The following LARGE1 variants were observed in gnomAD, a reference collection of about 807,000 sequenced individuals.
LARGE1 encodes the protein xylosyl- and glucuronyltransferase LARGE1.
Under a neutral mutation model 87.6 loss-of-function variants are expected in LARGE1, and 43 were observed. The ratio of observed to expected loss-of-function variants is 0.49; its 90% confidence interval spans 0.38 to 0.63. The LOEUF is 0.63. Ranked by LOEUF, LARGE1 falls within the 30% of genes least tolerant of loss-of-function variation. The probability of loss-of-function intolerance (pLI) is 0.00; values close to 1 mark genes in which losing one functional copy is unlikely to be tolerated. For synonymous variants in LARGE1, 434 were observed against 394.6 expected, an observed-to-expected ratio of 1.10 and a Z score of -1.18; for missense variants, 802 against 1,000.2, an observed-to-expected ratio of 0.80 and a Z score of 2.67.
intron 7 of LARGE1, among the ~76,000 whole-genome samples, chr22:33,405,931 C>T: frequency 9.2e-5 from 14 of 152,182 alleles, no homozygotes; most frequent in African/African-American, 3.4e-4. Context: ...CATTAAAAAT[C>T]AGAGTCTGGA....
chr22:33,421,976 G>C (rs1157884845), intron 7 of LARGE1, among the ~76,000 whole-genome samples: 4 of 152,256 alleles, frequency 2.6e-5, no homozygotes, highest in African/African-American at 4.8e-5. Flanking sequence ...GTTAAGTGGA[G>C]AGAAGTAGCC....
chr22:33,764,142 C>T (rs1161966568), intron 1 of LARGE1, among the ~76,000 whole-genome samples: 1 of 152,064 alleles, frequency 6.6e-6, no homozygotes, highest in Non-Finnish European at 1.5e-5. Context: ...GCCACCGCAC[C>T]TGACCCTTAA....
At chr22:33,293,983 C>T (rs1332371789) in intron 12 of LARGE1, among the ~76,000 whole-genome samples, 3 of 152,346 alleles carry the variant, frequency 2.0e-5, no homozygotes, top group South Asian at 2.1e-4. Context: ...ACCACTCCTA[C>T]TAGCCTTATT....
At chr22:33,683,957 C>T (rs948049861) in intron 2 of LARGE1, among the ~76,000 whole-genome samples, 5 of 152,138 alleles carry the variant, frequency 3.3e-5, no homozygotes, top group African/African-American at 1.2e-4. Context: ...TCAGCATCAC[C>T]AGTGGTTGTA....
intron 6 of LARGE1, among the ~76,000 whole-genome samples, chr22:33,456,056 G>T (rs1407871829): frequency 6.6e-6 from 1 of 152,170 alleles, no homozygotes; most frequent in Non-Finnish European, 1.5e-5. Context: ...GTATGCTAAG[G>T]CCAGCTTTGT....
At chr22:33,433,607 CAAAAAA>C (rs57605083) in intron 6 of LARGE1, among the ~76,000 whole-genome samples, 35 of 88,258 alleles carry the variant, frequency 4.0e-4, no homozygotes, top group African/African-American at 5.1e-4. Context: ...AAAAACAAAA[CAAAAAA>C]AAAAAAAAAA....
chr22:33,601,903 C>A (rs116517083), intron 5 of LARGE1, among the ~76,000 whole-genome samples: 2,699 of 152,264 alleles, frequency 0.018, 81 homozygotes, highest in African/African-American at 0.061. Context: ...TAAAGTAGGC[C>A]TGACAGAGTC....
At chr22:33,651,166 A>C (rs1377183828) in intron 2 of LARGE1, among the ~76,000 whole-genome samples, 1 of 147,928 alleles carries the variant, frequency 6.8e-6, no homozygotes, top group Non-Finnish European at 1.5e-5. Flanking sequence ...GCGGATCACG[A>C]GGTCAGGAGA....
Position 33,257,728 on chromosome 22 carries a change from C to G in LARGE1, c.1730+46501G>C, listed in dbSNP as rs184774450. On this transcript the variant is annotated intron_variant, in intron 11 of 11. Transcript: ENST00000608642. The stretch of plus-strand genomic sequence containing the variant: ...GGGGAATAAGTTGCTCAAGAATGAG[C>G]AGCTGTGGAGAGGTGGGTTTGGGAA... 9.9e-5 allele frequency among the ~76,000 whole-genome samples: 15 copies of G among 152,276 alleles called. 1 individual carries two copies. The highest frequency in any genetic ancestry group is 9.8e-4 in the Admixed American group (15 of 15,304).
chr22:33,545,757 A>G lies in LARGE1; in HGVS notation c.787+19091T>C, dbSNP rs549124297. Among the ~76,000 whole-genome samples, 6 of 151,440 alleles carry G rather than the reference A, an allele frequency of 4.0e-5. No individual in the cohort carries two copies. In the South Asian group the frequency reaches 6.3e-4, roughly 16 times the overall value. On this transcript the variant is annotated intron_variant, in intron 6 of 14. Coordinates refer to ENST00000397394, the MANE Select transcript of LARGE1 (RefSeq NM_133642.5). ...CCCAGCCAACACCCAGCTAATTTTT[A>G]TATGTTTGTATGGACAGGGTTTCGC...
At chr22:33,627,714 A>G (rs1432446388) in intron 3 of LARGE1, among the ~76,000 whole-genome samples, 1 of 151,996 alleles carries the variant, frequency 6.6e-6, no homozygotes, top group Non-Finnish European at 1.5e-5. Flanking sequence ...GCCATCAGGG[A>G]TGAACCATCC....
At chr22:33,480,542 C>T (rs2069274326) in intron 6 of LARGE1, among the ~76,000 whole-genome samples, 1 of 152,110 alleles carries the variant, frequency 6.6e-6, no homozygotes, top group African/African-American at 2.4e-5. Context: ...GAGAACCAGG[C>T]CCTGCTTTAA....
In LARGE1 at chr22:33,361,235, TA is replaced by T. The variant is rs1013593897; in HGVS notation, c.1131+20683del. Reference sequence around the variant, plus strand: ...AAAATAATAATAATAAATAAATAAATAAAAATAAAAATAAACCATGTCTGGT... The same window carrying T: ...AAAATAATAATAATAAATAAATAAATAAAATAAAAATAAACCATGTCTGGT... On this transcript the variant is annotated intron_variant, in intron 9 of 14. Coordinates refer to ENST00000397394, the MANE Select transcript of LARGE1 (RefSeq NM_133642.5). Among the ~76,000 whole-genome samples, 9 of 148,432 alleles carry T rather than the reference TA, an allele frequency of 6.1e-5. 1 individual carries two copies. Among genetic ancestry groups the T allele is most frequent in the Non-Finnish European group, 1.2e-4 (8 of 66,724 alleles).
intron 5 of LARGE1, among the ~76,000 whole-genome samples, chr22:33,604,209 C>G (rs957178911): frequency 3.9e-5 from 6 of 152,208 alleles, no homozygotes; most frequent in South Asian, 2.1e-4. Context: ...CTCCAGAAAG[C>G]CTTGGTGGTC....
chr22:33,878,012 T>A (rs868313265), intron 1 of LARGE1, among the ~76,000 whole-genome samples: 35 of 151,560 alleles, frequency 2.3e-4, no homozygotes, highest in Non-Finnish European at 4.4e-4. Flanking sequence ...ATATATATAT[T>A]TTGGTTATGC....
chr22:33,483,266 G>A (rs1188731637), intron 6 of LARGE1, among the ~76,000 whole-genome samples: 1 of 152,096 alleles, frequency 6.6e-6, no homozygotes, highest in Non-Finnish European at 1.5e-5. Flanking sequence ...CCCCAATACG[G>A]GCTTTCATCC....
intron 2 of LARGE1, among the ~76,000 whole-genome samples, chr22:33,757,777 T>C (rs2084574140): frequency 6.6e-6 from 1 of 152,186 alleles, no homozygotes; most frequent in African/African-American, 2.4e-5. Context: ...CTCAAGGGTG[T>C]CAATAAATGG....
intron 6 of LARGE1, among the ~76,000 whole-genome samples, chr22:33,531,612 T>C (rs1413262373): frequency 6.6e-6 from 1 of 152,258 alleles, no homozygotes; most frequent in Non-Finnish European, 1.5e-5. Flanking sequence ...ATGAATATGT[T>C]GCACCGATGC....
chr22:33,869,580 C>T (rs949929451), intron 1 of LARGE1, among the ~76,000 whole-genome samples: 2 of 152,120 alleles, frequency 1.3e-5, no homozygotes, highest in African/African-American at 4.8e-5. Context: ...TCCTCACTGA[C>T]GAGAAAACAC....
Sources: allele counts gnomAD v4.1 joint callset (sites outside exome capture counted in the v4.1 genomes callset), GRCh38; gene constraint gnomAD v4.1.1; transcripts MANE v1.5; gene names NCBI Gene and HGNC (gene_info 2026-07-23, HGNC 2026-07-21).